The following LRP1B variants were observed in gnomAD, a reference collection of about 807,000 sequenced individuals.
LRP1B encodes LDL receptor related protein 1B.
A neutral mutation model predicts 556.6 loss-of-function variants in LRP1B; 217 were observed. That is an observed-to-expected ratio of 0.39 (90% CI 0.35 to 0.44). The LOEUF is 0.44. LRP1B is among the 20% of genes least tolerant of loss of function. The pLI is 1.00. For synonymous variants in LRP1B, 2,047 were observed against 1,865.8 expected (o/e 1.10, Z -2.50); for missense variants, 5,053 against 5,620.8 (o/e 0.90, Z 3.23).
chr2:140,748,092 A>AATAT (rs757456196), intron 35 of LRP1B, among the ~76,000 whole-genome samples: 16 of 6,942 alleles, frequency 2.3e-3, no homozygotes, highest in African/African-American at 6.9e-3. Context: ...AAGTCCTATG[A>AATAT]ATATATATAT....
intron 2 of LRP1B, among the ~76,000 whole-genome samples, chr2:141,544,355 C>CTTCTTCTTCTTCTTCTTCTT (rs1685448345): frequency 1.0e-5 from 1 of 95,904 alleles, no homozygotes; most frequent in African/African-American, 3.6e-5. Flanking sequence ...TCTTCTTCTT[C>CTTCTTCTTCTTCTTCTTCTT]TTCTTCTTCT....
intron 7 of LRP1B, among the ~76,000 whole-genome samples, chr2:141,068,512 C>T (rs888262209): frequency 6.8e-5 from 10 of 148,144 alleles, no homozygotes; most frequent in African/African-American, 2.5e-4. Context: ...GGGTCTTTGC[C>T]TGGCCAGGGC....
intron 2 of LRP1B, among the ~76,000 whole-genome samples, chr2:141,548,043 T>C (rs765411395): frequency 6.6e-6 from 1 of 152,186 alleles, no homozygotes; most frequent in Non-Finnish European, 1.5e-5. Context: ...GTCTTGAATA[T>C]ACACAAAAGA....
chr2:141,595,190 T>A (rs1266377869), intron 2 of LRP1B, among the ~76,000 whole-genome samples: 2 of 152,114 alleles, frequency 1.3e-5, no homozygotes, highest in African/African-American at 2.4e-5. Context: ...AATATAAGAA[T>A]GCATTAGTGA....
At chr2:141,757,789 G>A (rs1264572360) in intron 2 of LRP1B, among the ~76,000 whole-genome samples, 1 of 151,946 alleles carries the variant, frequency 6.6e-6, no homozygotes, top group Non-Finnish European at 1.5e-5. Context: ...CTCCCACACT[G>A]GCCTCTCAAA....
intron 3 of LRP1B, among the ~76,000 whole-genome samples, chr2:141,308,565 A>G (rs1686688125): frequency 6.6e-6 from 1 of 152,192 alleles, no homozygotes; most frequent in Non-Finnish European, 1.5e-5. Context: ...TATACTTTAA[A>G]TGTTCAGACT....
At chr2:140,890,453 A>C (rs1377813162) in intron 23 of LRP1B, among the ~76,000 whole-genome samples, 4 of 152,188 alleles carry the variant, frequency 2.6e-5, no homozygotes, top group Non-Finnish European at 5.9e-5. Flanking sequence ...TGACCTTTAC[A>C]TTGAGTATCT....
At position 141,725,011 on chromosome 2, in the gene LRP1B, G is replaced by T. The variant is rs1692975548; in HGVS notation, c.205+85268C>A. Among the ~76,000 whole-genome samples the T allele has an allele frequency of 2.6e-5, 4 of 151,716 alleles. No homozygotes were observed. In the South Asian group the frequency reaches 6.2e-4, roughly 24 times the overall value. On this transcript the variant is annotated intron_variant, in intron 2 of 90. Coordinates refer to ENST00000389484, the MANE Select transcript of LRP1B (RefSeq NM_018557.3). Reference sequence around the variant, plus strand: ...CCAATCCCGCCTTTTATGTCTCCTGGTCATTAGGTATAGCAATTAAAATTA... The same window carrying T: ...CCAATCCCGCCTTTTATGTCTCCTGTTCATTAGGTATAGCAATTAAAATTA...
chr2:141,119,693 C>T (rs1700996462), intron 7 of LRP1B, among the ~76,000 whole-genome samples: 1 of 150,538 alleles, frequency 6.6e-6, no homozygotes, highest in East Asian at 2.0e-4. Flanking sequence ...ACAAAAACAT[C>T]CTTCGATGTT....
At chr2:140,959,467 A>T (rs895093069) in intron 18 of LRP1B, among the ~76,000 whole-genome samples, 1 of 151,728 alleles carries the variant, frequency 6.6e-6, no homozygotes, top group Non-Finnish European at 1.5e-5. Flanking sequence ...CCTGGCAATT[A>T]AAATAATTAC....
chr2:141,962,327 A>G (rs921551584), intron 1 of LRP1B, among the ~76,000 whole-genome samples: 1 of 151,804 alleles, frequency 6.6e-6, no homozygotes, highest in South Asian at 2.1e-4. Flanking sequence ...CAGTTTAACA[A>G]AGACATCTTT....
chr2:141,729,080 G>A (rs1303498397), intron 2 of LRP1B, among the ~76,000 whole-genome samples: 2 of 152,082 alleles, frequency 1.3e-5, no homozygotes, highest in Non-Finnish European at 2.9e-5. Flanking sequence ...GCCTCAAACT[G>A]GGTTCTTTGT....
intron 2 of LRP1B, among the ~76,000 whole-genome samples, chr2:141,518,092 T>G (rs920066294): frequency 6.7e-6 from 1 of 148,322 alleles, no homozygotes; most frequent in Admixed American, 6.9e-5. Context: ...TGGTAGATAA[T>G]GTAGGTTAAA....
chr2:141,703,914 T>C (rs1187085950), intron 2 of LRP1B, among the ~76,000 whole-genome samples: 1 of 151,912 alleles, frequency 6.6e-6, no homozygotes, highest in Non-Finnish European at 1.5e-5. Context: ...AAATCTCTCA[T>C]TACAAAGGAT....
At chr2:140,252,099 C>CAA (rs768188298) in intron 86 of LRP1B, among the ~76,000 whole-genome samples, 11 of 53,768 alleles carry the variant, frequency 2.0e-4, no homozygotes, top group African/African-American at 5.4e-4. Flanking sequence ...ACCCAAAAAA[C>CAA]AAAAAAAAAC....
At chr2:141,236,584 G>A (rs1011730846) in intron 5 of LRP1B, among the ~76,000 whole-genome samples, 9 of 152,090 alleles carry the variant, frequency 5.9e-5, no homozygotes, top group East Asian at 1.9e-4. Flanking sequence ...ATTTAAAAAT[G>A]TTCTTGCTTT....
intron 7 of LRP1B, among the ~76,000 whole-genome samples, chr2:141,147,953 T>G (rs531643576): frequency 2.6e-5 from 4 of 152,316 alleles, no homozygotes; most frequent in Admixed American, 2.6e-4. Flanking sequence ...TGTGCAAGTT[T>G]ATATCCTAAA....
intron 6 of LRP1B, among the ~76,000 whole-genome samples, chr2:141,192,395 G>A (rs1425120067): frequency 1.3e-5 from 2 of 151,884 alleles, no homozygotes; most frequent in Non-Finnish European, 2.9e-5. Flanking sequence ...TAGGAGCGAA[G>A]TGAATTTCCT....
chr2:140,292,086 CAGTT>C (rs932777452), intron 84 of LRP1B, among the ~76,000 whole-genome samples: 94 of 152,174 alleles, frequency 6.2e-4, no homozygotes, highest in African/African-American at 2.2e-3. Context: ...TTTCATGTGT[CAGTT>C]AGCTGCATAA....
Sources: gnomAD v4.1 joint callset for allele counts (sites outside exome capture counted in the v4.1 genomes callset) on GRCh38, gnomAD v4.1.1 for gene constraint, MANE v1.5 for transcripts, NCBI Gene and HGNC (gene_info 2026-07-23, HGNC 2026-07-21) for gene names.